FILIP1L: variants seen among roughly 807,000 people sequenced by gnomAD.
The protein encoded by FILIP1L is filamin A-interacting protein 1-like.
FILIP1L carries 55 observed loss-of-function variants against 96.6 expected under a neutral mutation model. That is an observed-to-expected ratio of 0.57 (90% CI 0.46 to 0.71). The LOEUF (loss-of-function observed/expected upper bound fraction) is 0.71, where lower values mean the gene tolerates loss of function less well. Ranked by LOEUF, FILIP1L falls within the 30% of genes least tolerant of loss-of-function variation. FILIP1L has a pLI of 0.00. For missense variants in FILIP1L, 1,304 were observed against 1,321.2 expected (o/e 0.99, Z 0.20); for synonymous variants, 467 against 473.9 (o/e 0.99, Z 0.19).
At chr3:100,021,023 G>A (rs973953569) in intron 1 of FILIP1L, among the ~76,000 whole-genome samples, 10 of 152,084 alleles carry the variant, frequency 6.6e-5, no homozygotes, top group South Asian at 4.1e-4. Flanking sequence ...CCTTGGCCTC[G>A]CAAAGTGCTA....
chr3:100,046,999 G>T (rs2065288235), intron 1 of FILIP1L, among the ~76,000 whole-genome samples: 1 of 152,170 alleles, frequency 6.6e-6, no homozygotes, highest in Non-Finnish European at 1.5e-5. Flanking sequence ...TATAATAATT[G>T]ACTATCAACA....
intron 1 of FILIP1L, among the ~76,000 whole-genome samples, chr3:100,000,503 T>TA (rs1426064761): frequency 6.6e-6 from 1 of 152,016 alleles, no homozygotes; most frequent in African/African-American, 2.4e-5. Flanking sequence ...GAAGAAAGGG[T>TA]AAAAACGGGT....
rs114752138 is a variant in FILIP1L at position 99,916,203 on chromosome 3, G to A, written c.605+8027C>T. Among the ~76,000 whole-genome samples, 696 of 152,286 alleles carry A rather than the reference G, an allele frequency of 4.6e-3. 2 individuals are homozygous for A. The highest frequency in any genetic ancestry group is 6.8e-3 in the South Asian group (33 of 4,826). ...GCCAGAATGGAACAGAAAGCTGAAGGCAGGTTGAATTAACTGCCTGGGTTA... is the reference window on the plus strand; with the variant it reads ...GCCAGAATGGAACAGAAAGCTGAAGACAGGTTGAATTAACTGCCTGGGTTA... On this transcript the variant is annotated intron_variant, in intron 4 of 5. Coordinates refer to ENST00000477258, the MANE Select transcript of FILIP1L (RefSeq NM_001387850.1).
chr3:99,867,757 T>TAA (rs1207598942), intron 4 of FILIP1L, among the ~76,000 whole-genome samples: 25 of 152,150 alleles, frequency 1.6e-4, no homozygotes, highest in Non-Finnish European at 5.9e-5. Context: ...TAACACTGTA[T>TAA]ACAAATTCAC....
intron 4 of FILIP1L, among the ~76,000 whole-genome samples, chr3:99,913,760 T>C (rs1392773393): frequency 1.3e-5 from 2 of 152,164 alleles, no homozygotes; most frequent in Non-Finnish European, 2.9e-5. Flanking sequence ...ATATGCAAGA[T>C]ATAGTGTGAA....
intron 1 of FILIP1L, among the ~76,000 whole-genome samples, chr3:100,019,363 TA>T (rs1017648703): frequency 3.9e-5 from 6 of 151,982 alleles, no homozygotes; most frequent in Admixed American, 1.3e-4. Flanking sequence ...GTAAAAGACA[TA>T]AAAATATGAA....
intron 1 of FILIP1L, among the ~76,000 whole-genome samples, chr3:100,012,365 C>G (rs1298406216): frequency 6.6e-6 from 1 of 152,102 alleles, no homozygotes; most frequent in African/African-American, 2.4e-5. Context: ...CTAGTTTTCT[C>G]ATCATATCAT....
Position 99,849,429 on chromosome 3 carries a change from T to G in FILIP1L, c.2247A>C (p.Lys749Asn), listed in dbSNP as rs1158674578. The G allele has an allele frequency of 3.4e-5, 55 of 1,613,324 alleles. No homozygotes were observed. The highest frequency in any genetic ancestry group is 4.7e-5 in the Non-Finnish European group (55 of 1,179,606). Residue 749 changes from lysine (K) to asparagine (N), a missense_variant, in exon 5 of 6, where the codon AAA becomes AAC. By Grantham distance (94) the Lys-to-Asn change is moderately conservative. Transcript: ENST00000477258. ...TGTTCCTGTTTTCTTGTTGATTTAG[T>G]TTTTTTTGCAGGACTGAGTGATCTC... is the stretch of plus-strand genomic sequence containing the variant. ...LQGDHSVLQK[K>N]LNQQENRNRD...
intron 1 of FILIP1L, among the ~76,000 whole-genome samples, chr3:99,960,489 A>G (rs191162776): frequency 1.3e-5 from 2 of 152,344 alleles, no homozygotes; most frequent in East Asian, 3.9e-4. Flanking sequence ...TAGAAGCAAC[A>G]TTCTGATTAG....
intron 1 of FILIP1L, among the ~76,000 whole-genome samples, chr3:99,959,632 C>T (rs537476634): frequency 1.3e-5 from 2 of 152,214 alleles, no homozygotes; most frequent in Non-Finnish European, 2.9e-5. Flanking sequence ...AATCTGTAGA[C>T]CAAAATGCTA....
chr3:100,080,957 G>C (rs2065922904), intron 1 of FILIP1L, among the ~76,000 whole-genome samples: 1 of 152,194 alleles, frequency 6.6e-6, no homozygotes, highest in Non-Finnish European at 1.5e-5. Flanking sequence ...TTTTAGGTCT[G>C]TGTTTGCAGA....
intron 4 of FILIP1L, among the ~76,000 whole-genome samples, chr3:99,919,588 A>G (rs1284371695): frequency 1.3e-5 from 2 of 152,012 alleles, no homozygotes; most frequent in African/African-American, 4.8e-5. Context: ...GAGGTTTCCA[A>G]ATCCTCTAGA....
At chr3:99,961,372 A>G (rs1708485533) in intron 1 of FILIP1L, among the ~76,000 whole-genome samples, 1 of 152,074 alleles carries the variant, frequency 6.6e-6, no homozygotes, top group African/African-American at 2.4e-5. Context: ...ATATACCTTA[A>G]AATGTAACCT....
intron 1 of FILIP1L, among the ~76,000 whole-genome samples, chr3:100,055,879 C>G (rs953520869): frequency 6.6e-6 from 1 of 152,178 alleles, no homozygotes; most frequent in African/African-American, 2.4e-5. Context: ...TTTTTCATAA[C>G]TACCTTCAAG....
chr3:99,906,125 C>T (rs1303929351), intron 4 of FILIP1L, among the ~76,000 whole-genome samples: 2 of 152,146 alleles, frequency 1.3e-5, no homozygotes, highest in Non-Finnish European at 2.9e-5. Context: ...GCCCAGGAGG[C>T]AGAGGTTGCA....
At chr3:99,914,646 G>A (rs191264416) in intron 4 of FILIP1L, among the ~76,000 whole-genome samples, 375 of 152,258 alleles carry the variant, frequency 2.5e-3, no homozygotes, top group African/African-American at 6.8e-3. Flanking sequence ...TTTTACAGAA[G>A]GCAGTTTAGC....
At chr3:99,880,420 C>T (rs1559673910) in intron 4 of FILIP1L, among the ~76,000 whole-genome samples, 1 of 152,036 alleles carries the variant, frequency 6.6e-6, no homozygotes, top group Non-Finnish European at 1.5e-5. Flanking sequence ...TATATATAGA[C>T]CCTCTTTACT....
rs530230385 is a variant in FILIP1L at position 100,034,342 on chromosome 3, T to A, written c.-11+79711A>T. On this transcript the variant is annotated intron_variant, in intron 1 of 5. Coordinates refer to ENST00000477258, the MANE Select transcript of FILIP1L (RefSeq NM_001387850.1). ...CTCATGGCAGCAGTAAGAAGTTATTTGGTCTGTATTTATTTACAATGTGCA... is the reference window on the plus strand; with the variant it reads ...CTCATGGCAGCAGTAAGAAGTTATTAGGTCTGTATTTATTTACAATGTGCA... Among the ~76,000 whole-genome samples the A allele has an allele frequency of 2.8e-4, 42 of 152,316 alleles. No individual in the cohort carries two copies. In the Middle Eastern group the frequency reaches 0.01, roughly 37 times the overall value.
At chr3:99,948,681 G>A (rs373249737) in intron 1 of FILIP1L, among the ~76,000 whole-genome samples, 1 of 148,698 alleles carries the variant, frequency 6.7e-6, no homozygotes, top group Non-Finnish European at 1.5e-5. Flanking sequence ...AGAGGAAGAA[G>A]AAGAGGAGAA....
Sources: allele counts gnomAD v4.1 joint callset (sites outside exome capture counted in the v4.1 genomes callset), GRCh38; gene constraint gnomAD v4.1.1; transcripts MANE v1.5; gene names NCBI Gene and HGNC (gene_info 2026-07-23, HGNC 2026-07-21).